The following ULK4 variants were observed in gnomAD, a reference collection of about 807,000 sequenced individuals.
ULK4 encodes unc-51 like kinase 4, also known as inactive serine/threonine-protein kinase ULK4.
Under a neutral mutation model 160.6 loss-of-function variants are expected in ULK4, and 133 were observed. The ratio of observed to expected loss-of-function variants is 0.83; its 90% CI spans 0.72 to 0.96. ULK4 has a LOEUF of 0.96. ULK4 is among the 40% of genes least tolerant of loss of function. The pLI is 0.00. For synonymous variants in ULK4, 534 were observed against 539.8 expected (o/e 0.99, Z 0.15); for missense variants, 1,580 against 1,499.5 (o/e 1.05, Z -0.89).
chr3:41,832,266 T>C (rs537624273), intron 18 of ULK4, among the ~76,000 whole-genome samples: 10 of 152,362 alleles, frequency 6.6e-5, no homozygotes, highest in South Asian at 6.2e-4. Context: ...CATTGTGGTT[T>C]TGATTTGCAT....
At chr3:41,618,150 G>A (rs754126870) in intron 30 of ULK4, among the ~76,000 whole-genome samples, 1 of 152,138 alleles carries the variant, frequency 6.6e-6, no homozygotes, top group Non-Finnish European at 1.5e-5. Flanking sequence ...ATGATTGACT[G>A]GTATACCTGA....
chr3:41,726,708 T>A (rs1326418528), intron 22 of ULK4, among the ~76,000 whole-genome samples: 1 of 152,198 alleles, frequency 6.6e-6, no homozygotes, highest in Non-Finnish European at 1.5e-5. Context: ...CTCCGCCTCC[T>A]GGGTTCAAGT....
intron 33 of ULK4, among the ~76,000 whole-genome samples, chr3:41,456,545 A>G (rs1280553830): frequency 1.3e-5 from 2 of 152,218 alleles, no homozygotes; most frequent in African/African-American, 4.8e-5. Context: ...ATGAAAATAA[A>G]TGAGTGAGTG....
At chr3:41,286,270 G>A (rs1051942275) in intron 35 of ULK4, among the ~76,000 whole-genome samples, 2 of 152,116 alleles carry the variant, frequency 1.3e-5, no homozygotes. Flanking sequence ...TGAGACGGGC[G>A]TTATTTTAAT....
intron 34 of ULK4, among the ~76,000 whole-genome samples, chr3:41,437,040 A>T (rs1191727419): frequency 1.3e-5 from 2 of 152,206 alleles, no homozygotes; most frequent in African/African-American, 4.8e-5. Flanking sequence ...CTAGCTGCTT[A>T]TTTTGGACTC....
chr3:41,521,715 A>C (rs1177045436), intron 32 of ULK4, among the ~76,000 whole-genome samples: 4 of 152,242 alleles, frequency 2.6e-5, no homozygotes, highest in African/African-American at 9.6e-5. Context: ...TTACTTTTAA[A>C]TACACTAATT....
At chr3:41,888,017 T>C (rs1203732373) in intron 16 of ULK4, among the ~76,000 whole-genome samples, 4 of 150,668 alleles carry the variant, frequency 2.7e-5, no homozygotes, top group African/African-American at 7.3e-5. Flanking sequence ...AAAAAAAAAA[T>C]GTTTTTAATT....
At chr3:41,715,695 A>ATCTG in intron 23 of ULK4, 127 bp from the exon 24 acceptor site, 3 of 1,211,078 alleles carry the variant, frequency 2.5e-6, no homozygotes, top group Non-Finnish European at 3.4e-6. Flanking sequence ...AAGCAGATAT[A>ATCTG]CTTATTCACA....
At position 41,919,845 on chromosome 3, in the gene ULK4, C is replaced by T. The variant is rs190401454; in HGVS notation, c.542-27G>A. On this transcript the variant is annotated intron_variant, in intron 5 of 36. Coordinates refer to ENST00000301831, the MANE Select transcript of ULK4 (RefSeq NM_017886.4). ...TAAAAGCAAAGTATGAAGAACAGCT[C>T]GGTTAGGCATTTGTATTGCTGCCAA... is the stretch of plus-strand genomic sequence containing the variant. 5.2e-6 allele frequency: 8 copies of T among 1,548,296 alleles called. No homozygotes were observed. In the East Asian group the frequency reaches 1.6e-4, roughly 31 times the overall value.
chr3:41,488,099 T>A (rs561234929), intron 32 of ULK4, among the ~76,000 whole-genome samples: 1 of 152,226 alleles, frequency 6.6e-6, no homozygotes, highest in Non-Finnish European at 1.5e-5. Context: ...ATGCAAGGCA[T>A]AGAATTACAT....
intron 5 of ULK4, among the ~76,000 whole-genome samples, chr3:41,931,032 G>A (rs775553739): frequency 3.4e-4 from 52 of 152,282 alleles, no homozygotes; most frequent in African/African-American, 1.2e-3. Context: ...ATATGCACAC[G>A]TATGTTTATT....
chr3:41,583,906 G>C (rs1469578822), intron 31 of ULK4, among the ~76,000 whole-genome samples: 6 of 152,224 alleles, frequency 3.9e-5, no homozygotes, highest in African/African-American at 1.4e-4. Context: ...AATGGCTACA[G>C]CTCTGGTCTC....
chr3:41,936,375 T>C (rs1055990673), intron 3 of ULK4, among the ~76,000 whole-genome samples: 5 of 152,154 alleles, frequency 3.3e-5, no homozygotes, highest in African/African-American at 1.2e-4. Flanking sequence ...TCACAACCCT[T>C]AGCACGCGCC....
intron 22 of ULK4, among the ~76,000 whole-genome samples, chr3:41,725,023 TTA>T (rs1403854777): frequency 1.2e-4 from 18 of 152,298 alleles, no homozygotes; most frequent in African/African-American, 4.1e-4. Context: ...CCACTGTTGA[TTA>T]TATATGTTGA....
intron 32 of ULK4, among the ~76,000 whole-genome samples, chr3:41,510,798 A>T (rs2085545129): frequency 6.6e-6 from 1 of 152,188 alleles, no homozygotes; most frequent in Non-Finnish European, 1.5e-5. Flanking sequence ...TAGTGACACA[A>T]GCTATCAAAA....
At chr3:41,582,441 T>C (rs1575446772) in intron 31 of ULK4, among the ~76,000 whole-genome samples, 1 of 152,150 alleles carries the variant, frequency 6.6e-6, no homozygotes, top group Non-Finnish European at 1.5e-5. Context: ...AAACTAGAAA[T>C]ACACTGTCAT....
At chr3:41,782,901 A>G (rs1482961355) in intron 21 of ULK4, among the ~76,000 whole-genome samples, 1 of 152,212 alleles carries the variant, frequency 6.6e-6, no homozygotes, top group Non-Finnish European at 1.5e-5. Flanking sequence ...ATGATCGTAT[A>G]TCATAACCTT....
chr3:41,844,539 C>T (rs1025170129), intron 17 of ULK4, among the ~76,000 whole-genome samples: 10 of 152,134 alleles, frequency 6.6e-5, no homozygotes, highest in African/African-American at 1.9e-4. Flanking sequence ...TTGCCGCTCG[C>T]GCCTCTCCCT....
chr3:41,425,228 C>A (rs1219414741), intron 34 of ULK4, among the ~76,000 whole-genome samples: 1 of 151,948 alleles, frequency 6.6e-6, no homozygotes, highest in Non-Finnish European at 1.5e-5. Context: ...TGAAATAAGA[C>A]AGGCAGACAA....
Sources: gnomAD v4.1 joint callset for allele counts (sites outside exome capture counted in the v4.1 genomes callset) on GRCh38, gnomAD v4.1.1 for gene constraint, MANE v1.5 for transcripts, NCBI Gene and HGNC (gene_info 2026-07-23, HGNC 2026-07-21) for gene names.